MAP4K5: variants seen among roughly 807,000 people sequenced by gnomAD.
The protein encoded by MAP4K5 is MAPK/ERK kinase kinase kinase 5.
In MAP4K5, 82 loss-of-function variants were observed where a neutral mutation model predicts 135.6. The observed-to-expected ratio is 0.60, with a 90% CI of 0.51 to 0.73. The LOEUF (loss-of-function observed/expected upper bound fraction) is 0.73. MAP4K5 is among the 30% of genes least tolerant of loss of function. The pLI is 0.00. For synonymous variants in MAP4K5, 347 were observed against 335.0 expected, an observed-to-expected ratio of 1.04 and a Z score of -0.39; for missense variants, 907 against 1,010.9, an observed-to-expected ratio of 0.90 and a Z score of 1.39.
upstream of MAP4K5, among the ~76,000 whole-genome samples, chr14:50,537,236 T>C (rs1595562720): frequency 6.6e-6 from 1 of 152,154 alleles, no homozygotes; most frequent in Non-Finnish European, 1.5e-5. Flanking sequence ...CTTCAGAGGG[T>C]GCAAGCCTCC....
In MAP4K5 at chr14:50,532,553, G is replaced by C. The variant is rs2038424635; in HGVS notation, c.-215C>G. On this transcript the variant is annotated 5_prime_UTR_variant, in exon 1 of 33. Coordinates refer to ENST00000682126, the MANE Select transcript of MAP4K5 (RefSeq NM_006575.6). ...CGCTGCACGGCGCGTCCTCTCGGGG[G>C]CGGCGGAGGCGCGTACAGTCGCCGC... 1 of 151,764 alleles carries C rather than the reference G, an allele frequency of 6.6e-6. No homozygotes were observed. The highest frequency in any genetic ancestry group is 2.4e-5 in the African/African-American group (1 of 41,232). The allele number at this position is 151,764 out of a possible 1,614,324, so 9.4% of individuals were successfully genotyped here.
chr14:50,560,010 G>C lies in MAP4K5; in HGVS notation c.-180+1030C>G, dbSNP rs563665099. 236 of 565,668 alleles carry C rather than the reference G, an allele frequency of 4.2e-4. No homozygotes were observed. In the Middle Eastern group the frequency reaches 4.4e-3, roughly 10 times the overall value. The allele number at this position is 565,668 out of a possible 1,614,324, so 35.0% of individuals were successfully genotyped here. On this transcript the variant is annotated intron_variant, in intron 1 of 8. Transcript: ENST00000555216. ...GGTCTATCACTGTCTTCACGGTCTG[G>C]GGGTGGACTGAGGTAGGGAGGGTGT...
At chr14:50,509,318 T>G (rs1047515475) in intron 2 of MAP4K5, among the ~76,000 whole-genome samples, 6 of 152,184 alleles carry the variant, frequency 3.9e-5, no homozygotes, top group African/African-American at 1.4e-4. Flanking sequence ...TTTTCAGAAT[T>G]CGAGAATTCT....
chr14:50,486,329 T>C, intron 3 of MAP4K5, 135 bp from the exon 4 acceptor site: 2 of 482,872 alleles, frequency 4.1e-6, no homozygotes, highest in Non-Finnish European at 7.4e-6. Flanking sequence ...TGTAAACTGG[T>C]AGAATCTTTC....
chr14:50,451,664 G>GT lies in MAP4K5; in HGVS notation c.1016-2833dup, dbSNP rs61195840. Among the ~76,000 whole-genome samples the GT allele has an allele frequency of 8.3e-3, 1,225 of 147,468 alleles. 71 individuals are homozygous for GT. In the East Asian group the frequency reaches 0.17, roughly 20 times the overall value. On this transcript the variant is annotated intron_variant, in intron 14 of 32. Transcript: ENST00000682126. ...AGAAGAACTTACAGATATGTTACAGGTTTTTTTTTTCAAAAATAGTTATTC... is the reference window on the plus strand; with the variant it reads ...AGAAGAACTTACAGATATGTTACAGGTTTTTTTTTTTCAAAAATAGTTATTC...
intron 21 of MAP4K5, among the ~76,000 whole-genome samples, chr14:50,440,801 C>T (rs1382190578): frequency 6.6e-6 from 1 of 152,062 alleles, no homozygotes; most frequent in East Asian, 1.9e-4. Context: ...AATCACGACA[C>T]ACTAGAAATA....
At chr14:50,524,678 G>A (rs1008932882) in intron 2 of MAP4K5, among the ~76,000 whole-genome samples, 4 of 151,902 alleles carry the variant, frequency 2.6e-5, no homozygotes, top group Admixed American at 6.6e-5. Flanking sequence ...AAGAGAAAGA[G>A]TGTTCTAAAG....
At chr14:50,433,046 A>G (rs186321010) in intron 28 of MAP4K5, among the ~76,000 whole-genome samples, 2 of 152,276 alleles carry the variant, frequency 1.3e-5, no homozygotes, top group Admixed American at 1.3e-4. Context: ...CATGTTGGTC[A>G]GGCCGGTCTC....
chr14:50,557,340 G>A (rs529431469), intron 1 of MAP4K5, among the ~76,000 whole-genome samples: 15 of 152,134 alleles, frequency 9.9e-5, no homozygotes, highest in South Asian at 4.2e-4. Flanking sequence ...CCCATCTCCC[G>A]TAGGTGACCA....
chr14:50,443,762 G>A lies in MAP4K5; in HGVS notation c.1446C>T (p.Ala482=), dbSNP rs577399648. The change falls in exon 20 of 33, where the codon GCC becomes GCT. Residue 482 remains alanine, a synonymous_variant. Coordinates refer to ENST00000682126, the MANE Select transcript of MAP4K5 (RefSeq NM_006575.6). ...KKDKRDFPKP[A]INGLPPTPKV... ...TTGGGGTGGGTGGAAGGCCATTGAT[G>A]GCTGGTTTCTATGGGAAAAATAAAA... 1.9e-6 allele frequency: 3 copies of A among 1,599,398 alleles called. No individual in the cohort carries two copies. The African/African-American group carries it at 4.1e-5, about 22-fold the overall frequency.
chr14:50,557,263 GA>G (rs1160979359), intron 1 of MAP4K5, among the ~76,000 whole-genome samples: 2 of 152,152 alleles, frequency 1.3e-5, no homozygotes, highest in Non-Finnish European at 2.9e-5. Flanking sequence ...TACACTTAGA[GA>G]AATATCAGTC....
At chr14:50,473,786 C>T (rs1228089582) in intron 9 of MAP4K5, among the ~76,000 whole-genome samples, 1 of 130,718 alleles carries the variant, frequency 7.7e-6, no homozygotes, top group South Asian at 2.4e-4. Flanking sequence ...TGCAGTGGTG[C>T]GCACTCAGCT....
In MAP4K5 at chr14:50,532,204, C is replaced by A. The variant is rs562008079; in HGVS notation, c.-109-46G>T. The A allele has an allele frequency of 2.5e-4, 144 of 577,154 alleles. 3 individuals carry two copies. The South Asian group carries it at 2.9e-3, about 12-fold the overall frequency. 35.8% of individuals were successfully genotyped at this position (577,154 alleles called of 1,614,324 possible). On this transcript the variant is annotated intron_variant, in intron 1 of 32. Transcript: ENST00000682126. ...GGCTGGTTGGCGTCGCAGGCTACGA[C>A]CCCCAGCGGCCCGCGCCCTCGCGGC...
At chr14:50,526,943 A>C (rs1391712404) in intron 2 of MAP4K5, among the ~76,000 whole-genome samples, 1 of 152,242 alleles carries the variant, frequency 6.6e-6, no homozygotes. Flanking sequence ...CGCAAATTAT[A>C]ACATCATTTA....
chr14:50,505,133 G>A (rs1000992294), intron 2 of MAP4K5: 10 of 276,084 alleles, frequency 3.6e-5, no homozygotes, highest in South Asian at 2.3e-4. Context: ...CTTCAGCCTC[G>A]GGTTAGTTAA....
chr14:50,443,908 C>T (rs1595443057), intron 19 of MAP4K5, 31 bp downstream of exon 19: 1 of 1,525,172 alleles, frequency 6.6e-7, no homozygotes, highest in Non-Finnish European at 9.0e-7. Context: ...GTATTATTTA[C>T]AACTAATTGC....
intron 2 of MAP4K5, among the ~76,000 whole-genome samples, chr14:50,522,452 C>T (rs976271895): frequency 6.6e-6 from 1 of 152,124 alleles, no homozygotes; most frequent in African/African-American, 2.4e-5. Flanking sequence ...AAGCCTACCT[C>T]TGAACAGTAA....
At chr14:50,445,510 T>G (rs2036326752) in intron 17 of MAP4K5, among the ~76,000 whole-genome samples, 1 of 152,174 alleles carries the variant, frequency 6.6e-6, no homozygotes, top group Admixed American at 6.5e-5. Context: ...GATGAACTGT[T>G]TCCCCTCCAT....
chr14:50,527,130 G>A (rs2038283585), intron 2 of MAP4K5, among the ~76,000 whole-genome samples: 1 of 152,156 alleles, frequency 6.6e-6, no homozygotes, highest in African/African-American at 2.4e-5. Context: ...CACGAGGTCA[G>A]GAGATTGAGA....
Sources: gnomAD v4.1 joint callset for allele counts (sites outside exome capture counted in the v4.1 genomes callset) on GRCh38, gnomAD v4.1.1 for gene constraint, MANE v1.5 for transcripts, NCBI Gene and HGNC (gene_info 2026-07-23, HGNC 2026-07-21) for gene names.